SND1: variants seen among roughly 807,000 people sequenced by gnomAD.
SND1 encodes staphylococcal nuclease domain-containing protein 1.
A neutral mutation model predicts 121.7 loss-of-function variants in SND1; 38 were observed. The ratio of observed to expected loss-of-function variants is 0.31; its 90% CI spans 0.24 to 0.41. The LOEUF (loss-of-function observed/expected upper bound fraction) is 0.41, where lower values mean the gene tolerates loss of function less well. Ranked by LOEUF, SND1 falls within the 10% of genes least tolerant of loss-of-function variation. The pLI, the probability that SND1 is intolerant of heterozygous loss-of-function variation, is 1.00. For missense variants in SND1, 868 were observed against 1,184.6 expected (o/e 0.73, Z 3.92); for synonymous variants, 401 against 447.4 (o/e 0.90, Z 1.31).
At chr7:127,675,922 G>A (rs1230984573) in intron 1 of SND1, among the ~76,000 whole-genome samples, 2 of 152,204 alleles carry the variant, frequency 1.3e-5, no homozygotes, top group East Asian at 1.9e-4. Context: ...AGAGCTCAGC[G>A]TGAGGTAGTG....
intron 16 of SND1, among the ~76,000 whole-genome samples, chr7:128,000,370 T>TC (rs1168504006): frequency 6.8e-6 from 1 of 146,204 alleles, no homozygotes; most frequent in Non-Finnish European, 1.5e-5. Context: ...TTTTGCTTCT[T>TC]TTTTTTTTTT....
At chr7:127,859,391 T>C (rs1335340706) in intron 12 of SND1, among the ~76,000 whole-genome samples, 1 of 152,220 alleles carries the variant, frequency 6.6e-6, no homozygotes, top group South Asian at 2.1e-4. Context: ...CTCTGGTTGC[T>C]ACCACAACTG....
At chr7:127,864,858 T>A (rs1799440971) in intron 12 of SND1, among the ~76,000 whole-genome samples, 1 of 151,864 alleles carries the variant, frequency 6.6e-6, no homozygotes, top group South Asian at 2.1e-4. Context: ...GCAAAGCACC[T>A]GGATTCTTTG....
chr7:127,946,622 T>C (rs1379350762), intron 15 of SND1, among the ~76,000 whole-genome samples: 3 of 152,164 alleles, frequency 2.0e-5, no homozygotes, highest in Non-Finnish European at 4.4e-5. Flanking sequence ...ATGTTAACAG[T>C]GTCTGCTAAA....
intron 10 of SND1, among the ~76,000 whole-genome samples, chr7:127,796,849 A>G (rs2116554261): frequency 6.6e-6 from 1 of 151,644 alleles, no homozygotes; most frequent in East Asian, 1.9e-4. Flanking sequence ...TTTTCACCAC[A>G]AAGTCATAAG....
chr7:127,857,969 C>A, intron 12 of SND1: 1 of 1,411,178 alleles, frequency 7.1e-7, no homozygotes, highest in Non-Finnish European at 1.0e-6. Flanking sequence ...TGCATCTGGT[C>A]GCTGGTGAAG....
At chr7:127,707,962 G>GTA (rs1300891224) in intron 9 of SND1, among the ~76,000 whole-genome samples, 4 of 152,080 alleles carry the variant, frequency 2.6e-5, no homozygotes, top group Non-Finnish European at 5.9e-5. Flanking sequence ...CTATGTCCAA[G>GTA]TATAGATGGT....
chr7:127,799,490 A>C (rs1269826391), intron 10 of SND1, among the ~76,000 whole-genome samples: 1 of 152,188 alleles, frequency 6.6e-6, no homozygotes, highest in Non-Finnish European at 1.5e-5. Context: ...GATCAGCAGG[A>C]TCAAATAGGG....
intron 10 of SND1, among the ~76,000 whole-genome samples, chr7:127,730,234 T>G (rs1322912147): frequency 1.3e-5 from 2 of 152,222 alleles, no homozygotes; most frequent in African/African-American, 4.8e-5. Context: ...CCCAAAGTGC[T>G]GGGATTACAG....
intron 10 of SND1, among the ~76,000 whole-genome samples, chr7:127,762,097 C>T (rs1797315003): frequency 1.3e-5 from 2 of 152,054 alleles, no homozygotes; most frequent in South Asian, 4.2e-4. Context: ...GCTTTGTGGG[C>T]ACAGGTGAAA....
At chr7:128,049,223 G>C (rs1793004273) in intron 16 of SND1, among the ~76,000 whole-genome samples, 1 of 152,004 alleles carries the variant, frequency 6.6e-6, no homozygotes, top group South Asian at 2.1e-4. Flanking sequence ...ACCGTGGAAG[G>C]CTCCACAATT....
intron 16 of SND1, among the ~76,000 whole-genome samples, chr7:128,058,450 T>C (rs1267711570): frequency 6.6e-6 from 1 of 152,230 alleles, no homozygotes; most frequent in East Asian, 1.9e-4. Context: ...GAGGCTAAAT[T>C]TGAACTCAGA....
intron 10 of SND1, among the ~76,000 whole-genome samples, chr7:127,755,678 A>G (rs1797182125): frequency 6.6e-6 from 1 of 152,198 alleles, no homozygotes; most frequent in South Asian, 2.1e-4. Flanking sequence ...GCCAGCTGCA[A>G]ATGATGGTCT....
intron 10 of SND1, among the ~76,000 whole-genome samples, chr7:127,798,282 C>T (rs1294939926): frequency 6.6e-6 from 1 of 152,178 alleles, no homozygotes; most frequent in African/African-American, 2.4e-5. Context: ...CTTGGAATTG[C>T]CACTGCCTCT....
At position 127,844,228 on chromosome 7, in the gene SND1, G is replaced by C. The variant is rs1172551829; in HGVS notation, c.1243-96G>C. The C allele has an allele frequency of 4.8e-6, 4 of 825,304 alleles. No homozygotes were observed. In the Admixed American group the frequency reaches 1.1e-4, roughly 23 times the overall value. The allele number at this position is 825,304 out of a possible 1,614,324, so 51.1% of individuals were successfully genotyped here. ...CTTAGATTCAGAAAACCAAACTGGA[G>C]TGAGCTGATCTTTCACAGTTGAGCA... On this transcript the variant is annotated intron_variant, in intron 11 of 23. Coordinates refer to ENST00000354725, the MANE Select transcript of SND1 (RefSeq NM_014390.4).
intron 14 of SND1, among the ~76,000 whole-genome samples, chr7:127,912,908 A>G (rs569799391): frequency 6.6e-6 from 1 of 152,344 alleles, no homozygotes; most frequent in Admixed American, 6.5e-5. Flanking sequence ...TAGAAAGTGA[A>G]TATGTCTCTT....
intron 16 of SND1, among the ~76,000 whole-genome samples, chr7:128,040,553 T>G (rs1421124415): frequency 6.8e-6 from 1 of 146,102 alleles, no homozygotes; most frequent in Non-Finnish European, 1.5e-5. Flanking sequence ...ACTGAGCAAC[T>G]CTGTGCTCCA....
At chr7:127,937,119 T>A (rs564065459) in intron 15 of SND1, among the ~76,000 whole-genome samples, 14 of 152,322 alleles carry the variant, frequency 9.2e-5, no homozygotes, top group African/African-American at 3.4e-4. Flanking sequence ...ATCAGATATT[T>A]GGAGTCTTCT....
At chr7:127,970,975 A>G (rs1338961094) in intron 15 of SND1, among the ~76,000 whole-genome samples, 1 of 151,944 alleles carries the variant, frequency 6.6e-6, no homozygotes, top group Admixed American at 6.6e-5. Flanking sequence ...ATGTTTTAAA[A>G]AATAAAAATC....
Sources: allele counts gnomAD v4.1 joint callset (sites outside exome capture counted in the v4.1 genomes callset), GRCh38; gene constraint gnomAD v4.1.1; transcripts MANE v1.5; gene names NCBI Gene and HGNC (gene_info 2026-07-23, HGNC 2026-07-21).